TUBGCP6: variants seen among roughly 807,000 people sequenced by gnomAD.
TUBGCP6 encodes the protein gamma-tubulin complex component 6.
A neutral mutation model predicts 175.8 loss-of-function variants in TUBGCP6; 161 were observed. The ratio of observed to expected loss-of-function variants is 0.92; its 90% CI spans 0.81 to 1.04. The LOEUF (loss-of-function observed/expected upper bound fraction) is 1.04, where lower values mean the gene tolerates loss of function less well. Among genes scored for constraint, TUBGCP6 ranks in the 50% least tolerant of loss-of-function variants. TUBGCP6 has a pLI of 0.00. For missense variants in TUBGCP6, 2,572 were observed against 2,433.0 expected (o/e 1.06, Z -1.20); for synonymous variants, 1,173 against 1,030.5 (o/e 1.14, Z -2.65).
At chr22:50,225,575 A>T (rs1024280344) in intron 10 of TUBGCP6, among the ~76,000 whole-genome samples, 17 of 129,628 alleles carry the variant, frequency 1.3e-4, no homozygotes, top group Admixed American at 4.4e-4. Flanking sequence ...CATTCATCTC[A>T]GCTCCCCCTT....
In TUBGCP6 at chr22:50,227,998, G is replaced by A; in HGVS notation, c.1321C>T (p.Gln441Ter). ...AFTSGLRRYL[Q>*]YYRACVLSTP... is the part of the protein sequence containing the mutation. Reference sequence around the variant, plus strand: ...GAAAGGACGCAGGCCCGGTAATACTGCAGGTACCTCCTCAGGCCACTGGTG... The same window carrying A: ...GAAAGGACGCAGGCCCGGTAATACTACAGGTACCTCCTCAGGCCACTGGTG... The change falls in exon 5 of 25, where the codon CAG becomes TAG. Residue 441 changes from glutamine to a stop codon, truncating the protein, a stop_gained. Coordinates refer to ENST00000248846, the MANE Select transcript of TUBGCP6 (RefSeq NM_020461.4). LOFTEE classifies it high-confidence loss of function. The A allele has an allele frequency of 3.2e-6, 5 of 1,568,288 alleles. No individual in the cohort carries two copies. Among genetic ancestry groups the A allele is most frequent in the Non-Finnish European group, 4.3e-6 (5 of 1,156,596 alleles).
chr22:50,218,348 T>C lies in TUBGCP6; in HGVS notation c.5009A>G (p.Lys1670Arg), dbSNP rs546390532. 1 of 1,613,082 alleles carries C rather than the reference T, an allele frequency of 6.2e-7. No individual in the cohort carries two copies. Among genetic ancestry groups the C allele is most frequent in the African/African-American group, 1.3e-5 (1 of 75,052 alleles). The change falls in exon 23 of 25, where the codon AAG becomes AGG. Residue 1670 changes from lysine to arginine, a missense_variant. Transcript: ENST00000248846. ...SVQFRQLQLF[K>R]HEMQHFVKVI... is the part of the protein sequence containing the mutation. ...CTTCACGAAATGCTGCATCTCGTGC[T>C]TGAACAGCTGCAGCTGACGGAACTG...
intron 4 of TUBGCP6, 31 bp from the exon 5 acceptor site, chr22:50,228,059 C>T (rs1294954191): frequency 6.6e-7 from 1 of 1,510,718 alleles, no homozygotes. Flanking sequence ...AGGAGGGCGG[C>T]CAGGCACATG....
chr22:50,226,918 A>G, intron 6 of TUBGCP6, 76 bp from the exon 7 acceptor site: 1 of 1,557,862 alleles, frequency 6.4e-7, no homozygotes, highest in Non-Finnish European at 8.7e-7. Flanking sequence ...TGCCGGCAGC[A>G]GCCCTCCAGG....
At chr22:50,219,831 C>A in intron 17 of TUBGCP6, 40 bp from the exon 18 acceptor site, 1 of 1,607,220 alleles carries the variant, frequency 6.2e-7, no homozygotes, top group Non-Finnish European at 8.5e-7. Context: ...CCCCACTGCA[C>A]GCTGTCCCCA....
chr22:50,220,109 T>C (rs2064491308), intron 16 of TUBGCP6, 94 bp from the exon 17 acceptor site: 3 of 1,554,462 alleles, frequency 1.9e-6, no homozygotes, highest in Non-Finnish European at 2.6e-6. Context: ...GCCCCTCCCA[T>C]GTCCCCCACA....
chr22:50,226,013 C>T lies in TUBGCP6; in HGVS notation c.1833+37G>A, dbSNP rs758394711. 24 of 1,613,318 alleles carry T rather than the reference C, an allele frequency of 1.5e-5. No individual in the cohort carries two copies. The Admixed American group carries it at 2.3e-4, about 16-fold the overall frequency. On this transcript the variant is annotated intron_variant, in intron 9 of 24. Transcript: ENST00000248846. ...CCTCATACTCAGCCCCAGGGAAGAC[C>T]GGCCCCTCTCTTCCCCACACATGAG...
chr22:50,231,004 C>A (rs982673396), intron 3 of TUBGCP6, among the ~76,000 whole-genome samples: 85 of 147,286 alleles, frequency 5.8e-4, no homozygotes, highest in Non-Finnish European at 1.1e-3. Context: ...ATTGCTTAAA[C>A]CCAGGAGGAA....
In TUBGCP6 at chr22:50,226,207, C is replaced by A; in HGVS notation, c.1694-18G>T. 1.2e-6 allele frequency: 2 copies of A among 1,614,090 alleles called. No individual in the cohort carries two copies. The highest frequency in any genetic ancestry group is 1.7e-6 in the Non-Finnish European group (2 of 1,180,010). On this transcript the variant is annotated intron_variant, in intron 8 of 24. Coordinates refer to ENST00000248846, the MANE Select transcript of TUBGCP6 (RefSeq NM_020461.4). ...CAACTTATCTAAGGTAGGGTGAACA[C>A]CACGGTGGCCGGCATGGCCATGGCC...
chr22:50,219,365 C>T lies in TUBGCP6; in HGVS notation c.4407G>A (p.Glu1469=). 6.3e-7 allele frequency: 1 copy of T among 1,586,330 alleles called. No homozygotes were observed. Among genetic ancestry groups the T allele is most frequent in the Non-Finnish European group, 8.6e-7 (1 of 1,167,522 alleles). ...GCAACTCGCTCAGCTGCACAGCAGTCTCATCAGCGGCAGACTGGACCTGGG... is the reference window on the plus strand; with the variant it reads ...GCAACTCGCTCAGCTGCACAGCAGTTTCATCAGCGGCAGACTGGACCTGGG... ...VDPQVQSAAD[E]TAVQLSELLT... The change falls in exon 19 of 25, where the codon GAG becomes GAA. Residue 1469 remains glutamate, a synonymous_variant. Coordinates refer to ENST00000248846, the MANE Select transcript of TUBGCP6 (RefSeq NM_020461.4).
intron 3 of TUBGCP6, among the ~76,000 whole-genome samples, chr22:50,230,756 G>GCAACAGAGCGAGACTC (rs1169560863): frequency 6.7e-6 from 1 of 148,970 alleles, no homozygotes; most frequent in Non-Finnish European, 1.5e-5. Context: ...TCCAGCCTGG[G>GCAACAGAGCGAGACTC]TGATCCTGTC....
Position 50,221,778 on chromosome 22 carries a change from G to GC in TUBGCP6, c.2580dup (p.Pro861AlafsTer10). On this transcript the variant is annotated frameshift_variant, in exon 16 of 25. Transcript: ENST00000248846. LOFTEE classifies it high-confidence loss of function. ...AGGGGCTGTGGGGTCAGCAGGCCTG[G>GC]CCTGTTCCAGCCATCCCAGGCAGGC... 1 of 1,512,958 alleles carries GC rather than the reference G, an allele frequency of 6.6e-7. No individual in the cohort carries two copies. The highest frequency in any genetic ancestry group is 1.3e-5 in the South Asian group (1 of 74,664). The allele number at this position is 1,512,958 out of a possible 1,614,324, so 93.7% of individuals were successfully genotyped here.
At position 50,232,780 on chromosome 22, in the gene TUBGCP6, G is replaced by A. The variant is rs2064710815; in HGVS notation, c.1116+536C>T. On this transcript the variant is annotated intron_variant, in intron 3 of 24. Coordinates refer to ENST00000248846, the MANE Select transcript of TUBGCP6 (RefSeq NM_020461.4). ...AAGAACATTTAAGACAAAGGAAGGG[G>A]ATGAGCACTTAAATGAAAAAGCTGC... is the stretch of plus-strand genomic sequence containing the variant. Among the ~76,000 whole-genome samples, 3 of 152,256 alleles carry A rather than the reference G, an allele frequency of 2.0e-5. No homozygotes were observed. In the South Asian group the frequency reaches 6.2e-4, roughly 31 times the overall value.
intron 2 of TUBGCP6, among the ~76,000 whole-genome samples, chr22:50,234,820 CCT>C (rs917881653): frequency 8.8e-5 from 13 of 147,514 alleles, no homozygotes; most frequent in African/African-American, 3.4e-4. Flanking sequence ...ATCCACACCC[CCT>C]GTCCACGACA....
At position 50,219,178 on chromosome 22, in the gene TUBGCP6, A is replaced by C. The variant is rs779826988; in HGVS notation, c.4516T>G (p.Tyr1506Asp). 74 of 1,611,952 alleles carry C rather than the reference A, an allele frequency of 4.6e-5. No homozygotes were observed. Among genetic ancestry groups the C allele is most frequent in the South Asian group, 1.2e-4 (11 of 91,070 alleles). ...ISLVNKAAVD[Y>D]FFVELHLEAH... is the part of the protein sequence containing the mutation. ...TCCAGGTGCAGCTCCACGAAGAAGT[A>C]GTCGACAGCGGCCTTGTTCACCAAG... The change falls in exon 20 of 25, where the codon TAC (tyrosine) becomes GAC (aspartate). Residue 1506 changes from tyrosine (Y) to aspartate (D), a missense_variant. Physicochemically the swap from Tyr to Asp is radical, Grantham distance 160 (BLOSUM62 -3). Transcript: ENST00000248846.
chr22:50,224,925 A>G (rs1468621171), intron 10 of TUBGCP6, among the ~76,000 whole-genome samples: 2 of 151,404 alleles, frequency 1.3e-5, no homozygotes, highest in Admixed American at 1.3e-4. Flanking sequence ...TGTCTCAAAG[A>G]AAAAAAAAGC....
At chr22:50,224,107 T>C (rs760801308) in intron 13 of TUBGCP6, 34 bp downstream of exon 13, 2 of 1,597,490 alleles carry the variant, frequency 1.3e-6, no homozygotes, top group East Asian at 2.2e-5. Flanking sequence ...CCTGCCGCAC[T>C]GCACCCCTGG....
In TUBGCP6 at chr22:50,229,490, C is replaced by T. The variant is rs757545083; in HGVS notation, c.1204G>A (p.Glu402Lys). 50 of 1,611,744 alleles carry T rather than the reference C, an allele frequency of 3.1e-5. No individual in the cohort carries two copies. Among genetic ancestry groups the T allele is most frequent in the Middle Eastern group, 1.7e-4 (1 of 6,058 alleles). Residue 402 changes from glutamate (E) to lysine (K), a missense_variant, in exon 4 of 25, where the codon GAG becomes AAG. Physicochemically the swap from Glu to Lys is moderately conservative, Grantham distance 56 (BLOSUM62 1). Transcript: ENST00000248846. Reference sequence around the variant, plus strand: ...AGGCGCGTGTAGCAGGTCCCATACTCGGCCACTTCCGAGAGCAGGCTGCTG... The same window carrying T: ...AGGCGCGTGTAGCAGGTCCCATACTTGGCCACTTCCGAGAGCAGGCTGCTG... ...SISSLLSEVAEYGTCYTRLSH... is the reference protein window; with the variant it reads ...SISSLLSEVAKYGTCYTRLSH...
At chr22:50,235,858 T>C (rs2064772361) in intron 2 of TUBGCP6, among the ~76,000 whole-genome samples, 1 of 151,418 alleles carries the variant, frequency 6.6e-6, no homozygotes, top group Non-Finnish European at 1.5e-5. Context: ...GAGAATGGCT[T>C]GAACCCGGGA....
Sources: gnomAD v4.1 joint callset for allele counts (sites outside exome capture counted in the v4.1 genomes callset) on GRCh38, gnomAD v4.1.1 for gene constraint, MANE v1.5 for transcripts, NCBI Gene and HGNC (gene_info 2026-07-23, HGNC 2026-07-21) for gene names.